The following PYROXD1 variants were observed in gnomAD, a reference collection of about 807,000 sequenced individuals.
PYROXD1 encodes the protein pyridine nucleotide-disulphide oxidoreductase domain 1, also known as tRNA ligase complex-associated NAD(P)H dehydrogenase PYROXD1.
Under a neutral mutation model 62.0 loss-of-function variants are expected in PYROXD1, and 42 were observed. That is an observed-to-expected ratio of 0.68 (90% CI 0.53 to 0.88). PYROXD1 has a LOEUF of 0.88. Among genes scored for constraint, PYROXD1 ranks in the 40% least tolerant of loss-of-function variants. PYROXD1 has a pLI of 0.00. For synonymous variants in PYROXD1, 170 were observed against 206.4 expected, an observed-to-expected ratio of 0.82 and a Z score of 1.51; for missense variants, 493 against 604.8, an observed-to-expected ratio of 0.82 and a Z score of 1.94.
chr12:21,455,648 AG>A (rs1374083153), intron 6 of PYROXD1, among the ~76,000 whole-genome samples: 1 of 151,318 alleles, frequency 6.6e-6, no homozygotes, highest in African/African-American at 2.4e-5. Flanking sequence ...AAAAACTTTT[AG>A]ATTATAAAAT....
intron 4 of PYROXD1, among the ~76,000 whole-genome samples, chr12:21,450,614 T>C (rs182434337): frequency 2.0e-5 from 3 of 152,338 alleles, no homozygotes; most frequent in Admixed American, 1.3e-4. Context: ...CACAATACTA[T>C]GTCTAACCTC....
At chr12:21,448,570 A>G (rs1248194646) in intron 3 of PYROXD1, among the ~76,000 whole-genome samples, 12 of 152,246 alleles carry the variant, frequency 7.9e-5, no homozygotes, top group African/African-American at 2.9e-4. Flanking sequence ...GGATTATGCT[A>G]TGCTGGATTA....
In PYROXD1 at chr12:21,463,692, C is replaced by CA. The variant is rs11325981; in HGVS notation, c.1116+847dup. On this transcript the variant is annotated intron_variant, in intron 10 of 11. Coordinates refer to ENST00000240651, the MANE Select transcript of PYROXD1 (RefSeq NM_024854.5). ...GGGCAACAAGAGCAAAACTCTGTCT[C>CA]AAAAAAAAAAAAAAAAATTCCTGTA... 2.1e-3 allele frequency among the ~76,000 whole-genome samples: 286 copies of CA among 135,996 alleles called. 1 individual carries two copies. The highest frequency in any genetic ancestry group is 3.8e-3 in the African/African-American group (139 of 36,142). 89.2% of individuals were successfully genotyped at this position (135,996 alleles called of 152,430 possible).
intron 7 of PYROXD1, chr12:21,456,806 C>G: frequency 2.3e-6 from 1 of 428,122 alleles, no homozygotes. Flanking sequence ...TCAATTCTCT[C>G]AAACTCTGCT....
chr12:21,458,000 G>A (rs1445556787), intron 7 of PYROXD1, among the ~76,000 whole-genome samples: 1 of 152,104 alleles, frequency 6.6e-6, no homozygotes, highest in African/African-American at 2.4e-5. Context: ...GTGGTAAATA[G>A]GCATTGGCTT....
At position 21,437,749 on chromosome 12, in the gene PYROXD1, C is replaced by A; in HGVS notation, c.19C>A (p.Pro7Thr). The A allele has an allele frequency of 1.9e-6, 3 of 1,612,802 alleles. No individual in the cohort carries two copies. Among genetic ancestry groups the A allele is most frequent in the Non-Finnish European group, 2.5e-6 (3 of 1,179,660 alleles). MEAARP[P>T]PTAGKFVVVG... is the part of the protein sequence containing the mutation. Reference sequence around the variant, plus strand: ...CGGCAGCATGGAGGCAGCGCGCCCTCCCCCGACGGCAGGGAAGTTCGTGGT... The same window carrying A: ...CGGCAGCATGGAGGCAGCGCGCCCTACCCCGACGGCAGGGAAGTTCGTGGT... The change falls in exon 1 of 12, where the codon CCC becomes ACC. Residue 7 changes from proline to threonine, a missense_variant. Pro to Thr is a conservative substitution (Grantham distance 38). Around this residue, in one of 2 missense-constraint regions of PYROXD1, gnomAD observed 164 missense variants for 158.2 expected, o/e 1.04. Transcript: ENST00000240651.
chr12:21,439,077 A>T (rs1010251046), intron 1 of PYROXD1, among the ~76,000 whole-genome samples: 1 of 152,254 alleles, frequency 6.6e-6, no homozygotes, highest in African/African-American at 2.4e-5. Context: ...AAAGTTTACC[A>T]AGTATTCAAG....
At chr12:21,459,403 C>T (rs6487230) in intron 7 of PYROXD1, among the ~76,000 whole-genome samples, 74,889 of 152,006 alleles carry the variant, frequency 0.49, 18,512 homozygotes, top group Middle Eastern at 0.59. Context: ...TATGCTTTGC[C>T]TTATGTATTT....
rs60965674 is a variant in PYROXD1 at position 21,461,207 on chromosome 12, CAATTT to C, written c.880+57_880+61del. ...TATAACCACTTAATTAAAAGGAAAA[CAATTT>C]AATCCTGCTGTGTTCTATTAAAAAT... On this transcript the variant is annotated intron_variant, in intron 8 of 11. Coordinates refer to ENST00000240651, the MANE Select transcript of PYROXD1 (RefSeq NM_024854.5). 0.49 allele frequency: 532,850 copies of C among 1,096,060 alleles called. 128,786 individuals are homozygous for C. Among genetic ancestry groups the C allele is most frequent in the Middle Eastern group, 0.55 (2,280 of 4,166 alleles). The allele number at this position is 1,096,060 out of a possible 1,614,324, so 67.9% of individuals were successfully genotyped here.
chr12:21,460,762 A>G (rs1216983027), intron 7 of PYROXD1: 2 of 218,904 alleles, frequency 9.1e-6, no homozygotes, highest in Non-Finnish European at 1.8e-5. Context: ...TGTAATTATC[A>G]ATGAGGCCTA....
chr12:21,440,742 G>A (rs568542128), intron 2 of PYROXD1, among the ~76,000 whole-genome samples: 1 of 152,078 alleles, frequency 6.6e-6, no homozygotes, highest in African/African-American at 2.4e-5. Flanking sequence ...TCCTTGTGTT[G>A]TTCTTGATCT....
chr12:21,467,727 AC>A, intron 11 of PYROXD1, 109 bp downstream of exon 11: 1 of 855,848 alleles, frequency 1.2e-6, no homozygotes, highest in East Asian at 2.6e-5. Flanking sequence ...TTAATCATCT[AC>A]AAAAAAATGA....
chr12:21,460,887 A>G (rs1373039163), intron 7 of PYROXD1, 138 bp from the exon 8 acceptor site: 1 of 496,712 alleles, frequency 2.0e-6, no homozygotes, highest in African/African-American at 2.0e-5. Context: ...ATTTTAGGGC[A>G]CCCAATGTGG....
At chr12:21,456,715 T>A in intron 7 of PYROXD1, 1 of 227,742 alleles carries the variant, frequency 4.4e-6, no homozygotes, top group South Asian at 4.7e-5. Context: ...ATCAATTGAC[T>A]CTTCCTCTCG....
intron 11 of PYROXD1, among the ~76,000 whole-genome samples, chr12:21,467,852 TTCTC>T (rs1171779045): frequency 6.6e-6 from 1 of 151,976 alleles, no homozygotes; most frequent in African/African-American, 2.4e-5. Context: ...GGAAAAAAAT[TTCTC>T]TCTAGATCTG....
intron 2 of PYROXD1, among the ~76,000 whole-genome samples, chr12:21,441,577 T>G (rs1232568231): frequency 6.6e-6 from 1 of 152,224 alleles, no homozygotes; most frequent in Admixed American, 6.5e-5. Flanking sequence ...TGTTGCATTT[T>G]TTTTTGTTTC....
rs1942213759 is a variant in PYROXD1 at position 21,437,741 on chromosome 12, C to T, written c.11C>T (p.Ala4Val). 6 of 1,612,122 alleles carry T rather than the reference C, an allele frequency of 3.7e-6. No individual in the cohort carries two copies. The highest frequency in any genetic ancestry group is 5.1e-6 in the Non-Finnish European group (6 of 1,179,396). Residue 4 changes from alanine (A) to valine (V), a missense_variant, in exon 1 of 12, where the codon GCG becomes GTG. Physicochemically the swap from Ala to Val is moderately conservative, Grantham distance 64. This residue lies in a region of PYROXD1 where 164 missense variants were observed against 158.2 expected (regional missense o/e 1.04). Transcript: ENST00000240651. ...TGGGAGTCCGGCAGCATGGAGGCAGCGCGCCCTCCCCCGACGGCAGGGAAG... is the reference window on the plus strand; with the variant it reads ...TGGGAGTCCGGCAGCATGGAGGCAGTGCGCCCTCCCCCGACGGCAGGGAAG... MEA[A>V]RPPPTAGKFV...
chr12:21,442,301 G>C (rs1591935985), intron 2 of PYROXD1, among the ~76,000 whole-genome samples: 1 of 152,198 alleles, frequency 6.6e-6, no homozygotes, highest in Non-Finnish European at 1.5e-5. Context: ...TAGGGTGCAG[G>C]TACCCGTACT....
rs889439755 is a variant in PYROXD1, at chr12:21,461,929, C to T, written c.881-79C>T. 11 of 704,180 alleles carry T rather than the reference C, an allele frequency of 1.6e-5. No homozygotes were observed. In the African/African-American group the frequency reaches 2.0e-4, roughly 13 times the overall value. The allele number at this position is 704,180 out of a possible 1,614,324, so 43.6% of individuals were successfully genotyped here. A position where few individuals can be genotyped will look rare whatever the true frequency, so the allele number is the denominator to read the frequency against. On this transcript the variant is annotated intron_variant, in intron 8 of 11. Coordinates refer to ENST00000240651, the MANE Select transcript of PYROXD1 (RefSeq NM_024854.5). ...TTCTTTTTCTTTCTTTGTTTCTAGT[C>T]ATTGTAGTCACATACACTGCTGTGG... is the stretch of plus-strand genomic sequence containing the variant.
Sources: allele counts gnomAD v4.1 joint callset (sites outside exome capture counted in the v4.1 genomes callset), GRCh38; gene constraint gnomAD v4.1.1; regional missense constraint gnomAD v4.1.1; transcripts MANE v1.5; gene names NCBI Gene and HGNC (gene_info 2026-07-23, HGNC 2026-07-21).